The following CSMD1 variants were observed in gnomAD, a reference collection of about 807,000 sequenced individuals.
CSMD1 encodes the protein CUB and Sushi multiple domains 1, also known as CUB and sushi domain-containing protein 1.
Under a neutral mutation model 417.5 loss-of-function variants are expected in CSMD1, and 213 were observed. The observed-to-expected ratio is 0.51, with a 90% CI of 0.46 to 0.57. CSMD1 has a LOEUF of 0.57. CSMD1 is among the 20% of genes least tolerant of loss of function. The pLI is 0.00. For synonymous variants in CSMD1, 2,862 were observed against 1,736.8 expected (o/e 1.65, Z -16.11); for missense variants, 6,923 against 4,529.7 (o/e 1.53, Z -15.17).
chr8:4,044,937 TG>T (rs11310894), intron 3 of CSMD1, among the ~76,000 whole-genome samples: 40,293 of 152,206 alleles, frequency 0.26, 5,395 homozygotes, highest in Admixed American at 0.29. Context: ...AATGTCCCCA[TG>T]GCATCTGAGA....
chr8:4,865,090 T>C (rs1421598074), intron 1 of CSMD1, among the ~76,000 whole-genome samples: 1 of 151,788 alleles, frequency 6.6e-6, no homozygotes, highest in Non-Finnish European at 1.5e-5. Flanking sequence ...GGTTTTCTGT[T>C]ACCTGGATGA....
chr8:4,744,003 C>G (rs1369490497), intron 1 of CSMD1, among the ~76,000 whole-genome samples: 3 of 152,212 alleles, frequency 2.0e-5, no homozygotes, highest in Non-Finnish European at 4.4e-5. Context: ...TAAAGTCACG[C>G]TCTAGAGCCT....
chr8:4,385,029 G>A (rs112534417), intron 3 of CSMD1, among the ~76,000 whole-genome samples: 1 of 151,916 alleles, frequency 6.6e-6, no homozygotes, highest in Non-Finnish European at 1.5e-5. Flanking sequence ...CTGGTTCAAG[G>A]GATTCTCCTG....
At chr8:4,536,486 A>C (rs1797108707) in intron 2 of CSMD1, among the ~76,000 whole-genome samples, 1 of 151,978 alleles carries the variant, frequency 6.6e-6, no homozygotes, top group South Asian at 2.1e-4. Context: ...TACTTTCTCT[A>C]CCTTGTCTTT....
At chr8:3,664,222 C>A (rs925480468) in intron 7 of CSMD1, among the ~76,000 whole-genome samples, 5 of 152,122 alleles carry the variant, frequency 3.3e-5, no homozygotes, top group African/African-American at 1.2e-4. Flanking sequence ...GTGATGTTCC[C>A]CCACTCTGTG....
At chr8:3,949,821 G>A (rs887030877) in intron 5 of CSMD1, 1 of 438,362 alleles carries the variant, frequency 2.3e-6, no homozygotes, top group Non-Finnish European at 4.6e-6. Flanking sequence ...GCAATGACCT[G>A]CTTCCATCTT....
At chr8:3,433,189 T>C (rs1048045820) in intron 12 of CSMD1, among the ~76,000 whole-genome samples, 12 of 152,342 alleles carry the variant, frequency 7.9e-5, no homozygotes, top group African/African-American at 2.2e-4. Context: ...AAATAAACTT[T>C]ATTAGACAAC....
intron 3 of CSMD1, among the ~76,000 whole-genome samples, chr8:4,118,974 A>T (rs1444919652): frequency 6.6e-6 from 1 of 152,190 alleles, no homozygotes; most frequent in East Asian, 1.9e-4. Flanking sequence ...CATCATTCTC[A>T]GCAAACTAAC....
chr8:2,955,999 C>T (rs1802982052), intron 63 of CSMD1, among the ~76,000 whole-genome samples: 1 of 151,798 alleles, frequency 6.6e-6, no homozygotes, highest in Non-Finnish European at 1.5e-5. Flanking sequence ...TTTTGACCTC[C>T]CAAAGTACTG....
intron 37 of CSMD1, among the ~76,000 whole-genome samples, chr8:3,164,938 T>A (rs547552312): frequency 6.6e-6 from 1 of 151,996 alleles, no homozygotes; most frequent in Non-Finnish European, 1.5e-5. Context: ...CTTTCTTGAA[T>A]TCTATTCAAT....
rs549638904 is a variant in CSMD1, at chr8:3,677,554, C to G, written c.1009+30860G>C. Among the ~76,000 whole-genome samples, 5 of 152,244 alleles carry G rather than the reference C, an allele frequency of 3.3e-5. No homozygotes were observed. In the South Asian group the frequency reaches 1.0e-3, roughly 32 times the overall value. On this transcript the variant is annotated intron_variant, in intron 7 of 69. Transcript: ENST00000635120. Reference sequence around the variant, plus strand: ...GTGGCTGGGCTCAGCGAGAGGCACCCAGAAGGGTTTGGAGATGTCTTAGAT... The same window carrying G: ...GTGGCTGGGCTCAGCGAGAGGCACCGAGAAGGGTTTGGAGATGTCTTAGAT...
intron 5 of CSMD1, among the ~76,000 whole-genome samples, chr8:3,970,210 A>T (rs1812987350): frequency 6.6e-6 from 1 of 152,194 alleles, no homozygotes; most frequent in East Asian, 1.9e-4. Flanking sequence ...TTTACAAACT[A>T]AATGCATGCC....
chr8:3,804,170 G>A (rs1272726092), intron 5 of CSMD1, among the ~76,000 whole-genome samples: 1 of 152,050 alleles, frequency 6.6e-6, no homozygotes, highest in Non-Finnish European at 1.5e-5. Context: ...GACCCCAGGT[G>A]ATCTGCCCAC....
intron 7 of CSMD1, among the ~76,000 whole-genome samples, chr8:3,625,272 T>C (rs1278168106): frequency 6.6e-6 from 1 of 152,196 alleles, no homozygotes; most frequent in Non-Finnish European, 1.5e-5. Flanking sequence ...TAGAAGTAAG[T>C]TGCTCAGCAC....
intron 3 of CSMD1, among the ~76,000 whole-genome samples, chr8:4,072,667 T>G (rs1233216971): frequency 6.6e-6 from 1 of 152,212 alleles, no homozygotes; most frequent in African/African-American, 2.4e-5. Flanking sequence ...TCCCCTTTAT[T>G]TCTGTGGATC....
At chr8:3,816,762 G>C (rs182153076) in intron 5 of CSMD1, among the ~76,000 whole-genome samples, 168 of 152,236 alleles carry the variant, frequency 1.1e-3, no homozygotes, top group Admixed American at 0.011. Flanking sequence ...CATACCTAAT[G>C]TGTGTCAATA....
chr8:4,591,807 G>T (rs557845920), intron 2 of CSMD1, among the ~76,000 whole-genome samples: 9 of 152,326 alleles, frequency 5.9e-5, no homozygotes, highest in African/African-American at 2.2e-4. Context: ...CAATGAGGCA[G>T]TGGCTACAGA....
chr8:3,354,690 G>GCAA (rs1458597936), intron 21 of CSMD1, among the ~76,000 whole-genome samples: 8 of 151,740 alleles, frequency 5.3e-5, no homozygotes, highest in Middle Eastern at 3.5e-3. Flanking sequence ...CTTTTAAGAA[G>GCAA]CAACAGAAAC....
chr8:4,694,555 G>T lies in CSMD1; in HGVS notation c.86-56997C>A, dbSNP rs911547386. The stretch of plus-strand genomic sequence containing the variant: ...TGGGGGGGTATTTTTAGTAGAGACG[G>T]GGTTTCACCATATTAGCCAGGATCG... On this transcript the variant is annotated intron_variant, in intron 1 of 69. Coordinates refer to ENST00000635120, the MANE Select transcript of CSMD1 (RefSeq NM_033225.6). Among the ~76,000 whole-genome samples the T allele has an allele frequency of 1.3e-5, 2 of 151,812 alleles. 1 individual carries two copies. The highest frequency in any genetic ancestry group is 4.2e-4 in the South Asian group (2 of 4,796).
Sources: gnomAD v4.1 joint callset for allele counts (sites outside exome capture counted in the v4.1 genomes callset) on GRCh38, gnomAD v4.1.1 for gene constraint, MANE v1.5 for transcripts, NCBI Gene and HGNC (gene_info 2026-07-23, HGNC 2026-07-21) for gene names.